The following RELCH variants were observed in gnomAD, a reference collection of about 807,000 sequenced individuals.
The protein encoded by RELCH is RAB11-binding protein RELCH.
A neutral mutation model predicts 150.3 loss-of-function variants in RELCH; 41 were observed. That is an observed-to-expected ratio of 0.27 (90% CI 0.21 to 0.35). RELCH has a LOEUF of 0.35. RELCH is among the 10% of genes least tolerant of loss of function. The pLI is 1.00. For synonymous variants in RELCH, 478 were observed against 531.8 expected, an observed-to-expected ratio of 0.90 and a Z score of 1.39; for missense variants, 1,092 against 1,467.8, an observed-to-expected ratio of 0.74 and a Z score of 4.18.
intron 7 of RELCH, 135 bp from the exon 8 acceptor site, chr18:62,228,170 T>C (rs149122467): frequency 1.3e-5 from 9 of 683,818 alleles, no homozygotes; most frequent in South Asian, 1.3e-4. Context: ...ATAAAAAAGA[T>C]TTATTACTTG....
intron 10 of RELCH, among the ~76,000 whole-genome samples, 188 bp downstream of exon 10, chr18:62,232,615 A>G (rs2041648540): frequency 6.6e-6 from 1 of 151,970 alleles, no homozygotes. Context: ...GTTCAGTAAA[A>G]CTGCATGGTA....
intron 25 of RELCH, among the ~76,000 whole-genome samples, chr18:62,284,080 A>G (rs1419976142): frequency 6.6e-6 from 1 of 152,220 alleles, no homozygotes; most frequent in African/African-American, 2.4e-5. Context: ...GGATTCTTAT[A>G]GGATCTGCTC....
intron 20 of RELCH, among the ~76,000 whole-genome samples, chr18:62,273,037 A>C (rs1301957868): frequency 7.4e-6 from 1 of 134,286 alleles, no homozygotes; most frequent in Non-Finnish European, 1.6e-5. Context: ...ATTATGTAGC[A>C]AAAAAAAAAA....
chr18:62,279,565 G>T (rs1455946568), intron 22 of RELCH, among the ~76,000 whole-genome samples: 1 of 152,212 alleles, frequency 6.6e-6, no homozygotes, highest in Non-Finnish European at 1.5e-5. Flanking sequence ...TGTTTTCATG[G>T]ACGCTAGGCT....
At chr18:62,238,961 A>T (rs1312359455) in intron 10 of RELCH, among the ~76,000 whole-genome samples, 1 of 152,136 alleles carries the variant, frequency 6.6e-6, no homozygotes, top group East Asian at 1.9e-4. Context: ...GTCTTATGAG[A>T]AACTAGACTT....
chr18:62,252,120 C>G lies in RELCH; in HGVS notation c.1734-544C>G, dbSNP rs541312727. On this transcript the variant is annotated intron_variant, in intron 11 of 28. Coordinates refer to ENST00000644646, the MANE Select transcript of RELCH (RefSeq NM_001346231.2). ...AAGTGATTCCCCTGCCTCAGCCTCC[C>G]GAGTAGCTGGGACTACAGTCGGGTG... Among the ~76,000 whole-genome samples the G allele has an allele frequency of 5.9e-5, 9 of 151,814 alleles. No individual in the cohort carries two copies. In the East Asian group the frequency reaches 1.8e-3, roughly 30 times the overall value.
intron 11 of RELCH, among the ~76,000 whole-genome samples, chr18:62,251,709 T>TGATA (rs2042711156): frequency 6.6e-6 from 1 of 152,234 alleles, no homozygotes; most frequent in Admixed American, 6.5e-5. Context: ...TTTATTAATA[T>TGATA]GATACTGTAG....
intron 23 of RELCH, chr18:62,280,264 G>A (rs1293514685): frequency 3.1e-6 from 3 of 952,456 alleles, no homozygotes; most frequent in Non-Finnish European, 5.0e-6. Flanking sequence ...ACCAAGAAAG[G>A]CCAATGAGTC....
intron 8 of RELCH, 141 bp downstream of exon 8, chr18:62,228,739 T>C: frequency 1.6e-6 from 1 of 609,010 alleles, no homozygotes; most frequent in Non-Finnish European, 2.7e-6. Flanking sequence ...ACTTAACACA[T>C]AGCAAAGTAG....
chr18:62,194,256 CA>C (rs1368283693), intron 1 of RELCH, among the ~76,000 whole-genome samples: 1 of 152,010 alleles, frequency 6.6e-6, no homozygotes, highest in East Asian at 1.9e-4. Context: ...AAAAAAACCC[CA>C]AAAAACAGTG....
intron 1 of RELCH, among the ~76,000 whole-genome samples, chr18:62,206,220 T>G (rs576970419): frequency 2.0e-4 from 31 of 152,190 alleles, no homozygotes; most frequent in Admixed American, 9.2e-4. Context: ...CGGCTAGTTT[T>G]TGTATTTTTA....
At chr18:62,220,579 G>A (rs1376038888) in intron 2 of RELCH, among the ~76,000 whole-genome samples, 1 of 150,690 alleles carries the variant, frequency 6.6e-6, no homozygotes, top group Non-Finnish European at 1.5e-5. Flanking sequence ...GTTAACTTTT[G>A]TAAAAAAAAA....
intron 10 of RELCH, among the ~76,000 whole-genome samples, chr18:62,234,056 T>C (rs1345981902): frequency 6.6e-6 from 1 of 151,924 alleles, no homozygotes; most frequent in African/African-American, 2.4e-5. Context: ...TAATTATTTG[T>C]ATGTTTTATC....
In RELCH at chr18:62,298,876, T is replaced by G. The variant is rs776644425; in HGVS notation, c.3530+16T>G. The G allele has an allele frequency of 7.0e-7, 1 of 1,418,726 alleles. No homozygotes were observed. The highest frequency in any genetic ancestry group is 9.8e-7 in the Non-Finnish European group (1 of 1,019,182). The allele number at this position is 1,418,726 out of a possible 1,614,324, so 87.9% of individuals were successfully genotyped here. On this transcript the variant is annotated intron_variant, in intron 28 of 28. Transcript: ENST00000644646. The stretch of plus-strand genomic sequence containing the variant: ...AGCCTCAAGGGTAAGACATTAATTC[T>G]TTTTTTAAGGCTACATGTTAACTTT...
intron 12 of RELCH, among the ~76,000 whole-genome samples, chr18:62,254,490 A>G (rs982203662): frequency 2.5e-5 from 3 of 121,610 alleles, no homozygotes; most frequent in Admixed American, 9.2e-5. Flanking sequence ...GTTTATGCAC[A>G]GCCATACGTT....
Position 62,261,642 on chromosome 18 carries a change from A to G in RELCH, c.2334A>G (p.Glu778=), listed in dbSNP as rs2043277594. The change falls in exon 16 of 29, where the codon GAA becomes GAG. Residue 778 remains glutamate (E), a synonymous_variant. Coordinates refer to ENST00000644646, the MANE Select transcript of RELCH (RefSeq NM_001346231.2). ...CCAGCAAAGCCAAGCTTCATGGTGA[A>G]GTGCCACAGATAGAAGGTACTGAAC... is the stretch of plus-strand genomic sequence containing the variant. ...PFSSKAKLHG[E]VPQIEVTRFP... 3 of 1,611,120 alleles carry G rather than the reference A, an allele frequency of 1.9e-6. No homozygotes were observed. Among genetic ancestry groups the G allele is most frequent in the South Asian group, 1.1e-5 (1 of 90,810 alleles).
intron 17 of RELCH, among the ~76,000 whole-genome samples, chr18:62,264,422 A>G (rs1347732368): frequency 6.6e-6 from 1 of 152,078 alleles, no homozygotes; most frequent in Non-Finnish European, 1.5e-5. Flanking sequence ...TGAGGCTAAA[A>G]TGATGCCATG....
intron 16 of RELCH, among the ~76,000 whole-genome samples, chr18:62,262,970 C>T (rs970779968): frequency 1.3e-5 from 2 of 151,982 alleles, no homozygotes; most frequent in Non-Finnish European, 2.9e-5. Context: ...TTTAGTGTTT[C>T]TTGGCTTTTA....
intron 11 of RELCH, among the ~76,000 whole-genome samples, chr18:62,252,377 G>T (rs1050502797): frequency 2.6e-5 from 4 of 151,920 alleles, no homozygotes. Flanking sequence ...AAACTATCTG[G>T]GCATGGTGGT....
Sources: allele counts gnomAD v4.1 joint callset (sites outside exome capture counted in the v4.1 genomes callset), GRCh38; gene constraint gnomAD v4.1.1; transcripts MANE v1.5; gene names NCBI Gene and HGNC (gene_info 2026-07-23, HGNC 2026-07-21).